Variants in CRYBB3 observed in about 807,000 individuals in gnomAD.
CRYBB3 encodes the protein crystallin beta B3, also known as beta-crystallin B3.
A neutral mutation model predicts 28.3 loss-of-function variants in CRYBB3; 35 were observed. That is an observed-to-expected ratio of 1.24 (90% CI 0.95 to 1.64). The LOEUF (loss-of-function observed/expected upper bound fraction) is 1.64, where lower values mean the gene tolerates loss of function less well. CRYBB3 is among the 40% of genes most tolerant of loss of function. CRYBB3 has a pLI of 0.00. For missense variants in CRYBB3, 296 were observed against 297.4 expected, an observed-to-expected ratio of 1.00 and a Z score of 0.04; for synonymous variants, 106 against 110.4, an observed-to-expected ratio of 0.96 and a Z score of 0.25.
Position 25,201,468 on chromosome 22 carries a change from C to T in CRYBB3, c.72C>T (p.Tyr24=), listed in dbSNP as rs148607859. ...GCCATGGAGACCTTGGGGGCAGCTA[C>T]AAGGTACTGGGCAGGGAGGGGGTCA... ...GKSHGDLGGS[Y]KVILYELENF... The change falls in exon 2 of 6, where the codon TAC becomes TAT. Residue 24 remains tyrosine, a synonymous_variant. Transcript: ENST00000215855. 87 of 1,612,868 alleles carry T rather than the reference C, an allele frequency of 5.4e-5. No homozygotes were observed. Among genetic ancestry groups the T allele is most frequent in the Non-Finnish European group, 7.2e-5 (85 of 1,179,356 alleles).
chr22:25,204,600 T>C (rs895863453), intron 4 of CRYBB3, among the ~76,000 whole-genome samples: 5 of 152,178 alleles, frequency 3.3e-5, no homozygotes, highest in African/African-American at 1.2e-4. Flanking sequence ...GTATTTTTAG[T>C]AGAGGTGGCG....
In CRYBB3 at chr22:25,204,001, G is replaced by A. The variant is rs1489714524; in HGVS notation, c.327+106G>A. On this transcript the variant is annotated intron_variant, in intron 4 of 5. Coordinates refer to ENST00000215855, the MANE Select transcript of CRYBB3 (RefSeq NM_004076.5). The stretch of plus-strand genomic sequence containing the variant: ...GCTGGGCTGAGGGTTTGGCCCATAT[G>A]GACCTGGCCTGGGAAGGGCCCTCAT... 7 of 1,415,616 alleles carry A rather than the reference G, an allele frequency of 4.9e-6. No individual in the cohort carries two copies. The East Asian group carries it at 1.4e-4, about 28-fold the overall frequency. 87.7% of individuals were successfully genotyped at this position (1,415,616 alleles called of 1,614,324 possible).
chr22:25,205,479 A>T lies in CRYBB3; in HGVS notation c.470+117A>T. On this transcript the variant is annotated intron_variant, in intron 5 of 5. Transcript: ENST00000215855. ...TTATTTATTTATTTATTTATTTTTG[A>T]GACGGAGTCTTGCTCTGTCGCCCAG... 6 of 1,246,390 alleles carry T rather than the reference A, an allele frequency of 4.8e-6. No homozygotes were observed. In the South Asian group the frequency reaches 1.1e-4, roughly 23 times the overall value. 77.2% of individuals were successfully genotyped at this position (1,246,390 alleles called of 1,614,324 possible).
intron 5 of CRYBB3, 141 bp downstream of exon 5, chr22:25,205,503 A>G: frequency 9.4e-7 from 1 of 1,066,088 alleles, no homozygotes; most frequent in Non-Finnish European, 1.2e-6. Context: ...TCTGTCGCCC[A>G]GGCTGGAGTG....
At chr22:25,203,719 C>T (rs1490273677) in intron 3 of CRYBB3, 44 bp from the exon 4 acceptor site, 1 of 1,612,606 alleles carries the variant, frequency 6.2e-7, no homozygotes, top group Non-Finnish European at 8.5e-7. Flanking sequence ...AATCCTTCCT[C>T]AGCTGCAGCA....
chr22:25,200,816 G>T (rs981135763), intron 1 of CRYBB3, among the ~76,000 whole-genome samples: 2 of 152,212 alleles, frequency 1.3e-5, no homozygotes, highest in Non-Finnish European at 2.9e-5. Context: ...AGGTCTGTCT[G>T]TCCACCTCCC....
In CRYBB3 at chr22:25,207,283, G is replaced by A. The variant is rs1417917002; in HGVS notation, c.*71G>A. 1 of 1,434,326 alleles carries A rather than the reference G, an allele frequency of 7.0e-7. No individual in the cohort carries two copies. The highest frequency in any genetic ancestry group is 9.5e-7 in the Non-Finnish European group (1 of 1,049,960). 88.8% of individuals were successfully genotyped at this position (1,434,326 alleles called of 1,614,324 possible). A position where few individuals can be genotyped will look rare whatever the true frequency, so the allele number is the denominator to read the frequency against. ...AAGGGCAAGAAGAGGAGGCTCCAGG[G>A]TTGGGGCGAGGGCCGACCTGTCCAC... is the stretch of plus-strand genomic sequence containing the variant. On this transcript the variant is annotated 3_prime_UTR_variant, in exon 6 of 6. Transcript: ENST00000215855.
chr22:25,206,585 GT>G (rs796727043), intron 5 of CRYBB3, among the ~76,000 whole-genome samples: 7 of 152,262 alleles, frequency 4.6e-5, no homozygotes, highest in African/African-American at 1.7e-4. Flanking sequence ...GACAGACAAA[GT>G]AACAGGTATT....
At chr22:25,204,100 C>G (rs1934992689) in intron 4 of CRYBB3, among the ~76,000 whole-genome samples, 1 of 152,158 alleles carries the variant, frequency 6.6e-6, no homozygotes, top group Non-Finnish European at 1.5e-5. Context: ...ATTGAGACAC[C>G]AGGACTCACA....
At chr22:25,201,272 C>T (rs575387371) in intron 1 of CRYBB3, 105 bp from the exon 2 acceptor site, 116 of 1,572,250 alleles carry the variant, frequency 7.4e-5, no homozygotes, top group African/African-American at 2.0e-4. Context: ...GTTACAGCCA[C>T]GCCCCATGGG....
At position 25,207,256 on chromosome 22, in the gene CRYBB3, G is replaced by T; in HGVS notation, c.*44G>T. ...GGACCCAGACCCACCCTGGGGGGCT[G>T]CAAGGGCAAGAAGAGGAGGCTCCAG... On this transcript the variant is annotated 3_prime_UTR_variant, in exon 6 of 6. Transcript: ENST00000215855. The T allele has an allele frequency of 6.4e-7, 1 of 1,571,896 alleles. No homozygotes were observed. Among genetic ancestry groups the T allele is most frequent in the Admixed American group, 1.7e-5 (1 of 58,002 alleles).
chr22:25,201,464 G>T lies in CRYBB3; in HGVS notation c.68G>T (p.Ser23Ile), dbSNP rs1934947759. 1.2e-6 allele frequency: 2 copies of T among 1,612,842 alleles called. No individual in the cohort carries two copies. The highest frequency in any genetic ancestry group is 2.7e-5 in the African/African-American group (2 of 74,878). ...AAGAGCCATGGAGACCTTGGGGGCA[G>T]CTACAAGGTACTGGGCAGGGAGGGG... ...AGKSHGDLGG[S>I]YKVILYELEN... The change falls in exon 2 of 6, where the codon AGC (serine) becomes ATC (isoleucine). Residue 23 changes from serine (S) to isoleucine (I), a missense_variant. Coordinates refer to ENST00000215855, the MANE Select transcript of CRYBB3 (RefSeq NM_004076.5).
At chr22:25,200,356 G>T (rs886308328) in intron 1 of CRYBB3, among the ~76,000 whole-genome samples, 1 of 152,134 alleles carries the variant, frequency 6.6e-6, no homozygotes, top group Admixed American at 6.5e-5. Flanking sequence ...GCTGGGAGCC[G>T]TGGGTGGGTA....
intron 3 of CRYBB3, among the ~76,000 whole-genome samples, chr22:25,203,364 C>G (rs1204798529): frequency 1.3e-5 from 2 of 152,096 alleles, no homozygotes; most frequent in Non-Finnish European, 1.5e-5. Flanking sequence ...ATGGTACGTA[C>G]TTCAGAGAGA....
intron 1 of CRYBB3, among the ~76,000 whole-genome samples, chr22:25,200,433 G>T (rs144217296): frequency 6.6e-6 from 1 of 152,080 alleles, no homozygotes; most frequent in South Asian, 2.1e-4. Context: ...AATGGGCAGG[G>T]ATGTGTGTGT....
rs1934942838 is a variant in CRYBB3 at position 25,201,269 on chromosome 22, C to G, written c.-20-108C>G. Reference sequence around the variant, plus strand: ...ACTGAATGTCGATCATAAGTTACAGCCACGCCCCATGGGCAGCAAGGCTCT... The same window carrying G: ...ACTGAATGTCGATCATAAGTTACAGGCACGCCCCATGGGCAGCAAGGCTCT... On this transcript the variant is annotated intron_variant, in intron 1 of 5. Coordinates refer to ENST00000215855, the MANE Select transcript of CRYBB3 (RefSeq NM_004076.5). The G allele has an allele frequency of 1.1e-5, 18 of 1,566,620 alleles. 3 individuals carry two copies. The South Asian group carries it at 2.0e-4, about 18-fold the overall frequency.
intron 5 of CRYBB3, 83 bp from the exon 6 acceptor site, chr22:25,206,964 G>C: frequency 2.0e-6 from 2 of 1,010,444 alleles, no homozygotes; most frequent in Non-Finnish European, 3.2e-6. Context: ...AATGTAGGCA[G>C]GCAGAGTGCA....
chr22:25,200,676 G>A (rs1026694272), intron 1 of CRYBB3, among the ~76,000 whole-genome samples: 12 of 152,110 alleles, frequency 7.9e-5, no homozygotes, highest in Admixed American at 4.6e-4. Context: ...AAGAACTGTC[G>A]GTGTCTGGGT....
chr22:25,206,848 T>C (rs1166397342), intron 5 of CRYBB3, among the ~76,000 whole-genome samples, 199 bp from the exon 6 acceptor site: 1 of 151,616 alleles, frequency 6.6e-6, no homozygotes, highest in African/African-American at 2.4e-5. Flanking sequence ...CGGTGTTGAG[T>C]GTGAATGGGA....
Sources: gnomAD v4.1 joint callset for allele counts (sites outside exome capture counted in the v4.1 genomes callset) on GRCh38, gnomAD v4.1.1 for gene constraint, MANE v1.5 for transcripts, NCBI Gene and HGNC (gene_info 2026-07-23, HGNC 2026-07-21) for gene names.